TJP3: variants seen among roughly 807,000 people sequenced by gnomAD.
The protein encoded by TJP3 is tight junction protein ZO-3.
Under a neutral mutation model 104.2 loss-of-function variants are expected in TJP3, and 85 were observed. The ratio of observed to expected loss-of-function variants is 0.82; its 90% CI spans 0.68 to 0.98. The LOEUF (loss-of-function observed/expected upper bound fraction) is 0.98, where lower values mean the gene tolerates loss of function less well. Ranked by LOEUF, TJP3 falls within the 50% of genes least tolerant of loss-of-function variation. The pLI, the probability that TJP3 is intolerant of heterozygous loss-of-function variation, is 0.00. For synonymous variants in TJP3, 550 were observed against 550.6 expected (o/e 1.00, Z 0.02); for missense variants, 1,367 against 1,322.8 (o/e 1.03, Z -0.52).
chr19:3,713,926 C>T (rs993312175), intron 1 of TJP3, among the ~76,000 whole-genome samples: 14 of 150,922 alleles, frequency 9.3e-5, no homozygotes, highest in African/African-American at 1.5e-4. Flanking sequence ...GGAGTTTCAC[C>T]GTGTTGGCCA....
intron 14 of TJP3, among the ~76,000 whole-genome samples, chr19:3,742,581 G>T (rs1282798471): frequency 6.9e-6 from 1 of 144,712 alleles, no homozygotes; most frequent in Non-Finnish European, 1.5e-5. Context: ...GTGGGTGGAT[G>T]GACCTTGAGA....
chr19:3,735,093 T>C (rs913322562), intron 8 of TJP3, among the ~76,000 whole-genome samples: 1 of 152,164 alleles, frequency 6.6e-6, no homozygotes, highest in African/African-American at 2.4e-5. Context: ...CTTGAACTCC[T>C]GGGCTCAAGC....
At position 3,736,233 on chromosome 19, in the gene TJP3, G is replaced by T; in HGVS notation, c.1196G>T (p.Gly399Val). Residue 399 changes from glycine (G) to valine (V), a missense_variant, in exon 11 of 21, where the codon GGC (glycine) becomes GTC (valine). Physicochemically the swap from Gly to Val is moderately radical, Grantham distance 109. Coordinates refer to ENST00000541714, the MANE Select transcript of TJP3 (RefSeq NM_001267560.2). ...AGCATCGGGCTGCGGCTGGCAGGGGGCAATGACGTGGGCATCTTCGTGTCC... is the reference window on the plus strand; with the variant it reads ...AGCATCGGGCTGCGGCTGGCAGGGGTCAATGACGTGGGCATCTTCGTGTCC... ...GKSIGLRLAG[G>V]NDVGIFVSGV... 1.1e-5 allele frequency: 17 copies of T among 1,587,978 alleles called. No individual in the cohort carries two copies. The highest frequency in any genetic ancestry group is 1.5e-5 in the Non-Finnish European group (17 of 1,166,670).
At chr19:3,722,861 G>GGC (rs2036556121) in intron 1 of TJP3, among the ~76,000 whole-genome samples, 1 of 129,026 alleles carries the variant, frequency 7.8e-6, no homozygotes, top group Non-Finnish European at 1.6e-5. Flanking sequence ...GGTGGCGGGG[G>GGC]GGGGGGGCAC....
chr19:3,723,725 G>A (rs1308161204), intron 1 of TJP3, among the ~76,000 whole-genome samples: 1 of 151,054 alleles, frequency 6.6e-6, no homozygotes, highest in Non-Finnish European at 1.5e-5. Flanking sequence ...CCCAGGAGGC[G>A]GAGGTTGCAG....
intron 1 of TJP3, among the ~76,000 whole-genome samples, chr19:3,711,463 T>C (rs1305872403): frequency 3.3e-5 from 5 of 151,568 alleles, no homozygotes; most frequent in African/African-American, 1.2e-4. Flanking sequence ...CCTCCCAAAG[T>C]GCTGGGATTA....
intron 19 of TJP3, among the ~76,000 whole-genome samples, chr19:3,748,921 C>T (rs374595741): frequency 3.1e-4 from 42 of 134,722 alleles, no homozygotes; most frequent in African/African-American, 1.1e-3. Context: ...TGCAGTGGCA[C>T]GATCTGGGCT....
At chr19:3,742,160 G>A (rs995875343) in intron 14 of TJP3, among the ~76,000 whole-genome samples, 8 of 152,148 alleles carry the variant, frequency 5.3e-5, no homozygotes, top group African/African-American at 1.2e-4. Flanking sequence ...TTGACCGGGC[G>A]TGGTGGCTCA....
intron 1 of TJP3, among the ~76,000 whole-genome samples, chr19:3,715,833 C>G (rs2036471969): frequency 6.6e-6 from 1 of 152,146 alleles, no homozygotes; most frequent in South Asian, 2.1e-4. Context: ...GGCTGGAGTG[C>G]AATGGCGCAA....
Position 3,732,033 on chromosome 19 carries a change from C to A in TJP3, c.712C>A (p.Leu238Ile), listed in dbSNP as rs766206274. The change falls in exon 6 of 21, where the codon CTA becomes ATA. Residue 238 changes from leucine to isoleucine, a missense_variant. Coordinates refer to ENST00000541714, the MANE Select transcript of TJP3 (RefSeq NM_001267560.2). ...HRGLQEGDLI[L>I]QINGVSSQNL... Reference sequence around the variant, plus strand: ...TGGGCTGCAGGAAGGAGATCTCATTCTACAGGTGAGGCCGGGCTTCTTGTC... The same window carrying A: ...TGGGCTGCAGGAAGGAGATCTCATTATACAGGTGAGGCCGGGCTTCTTGTC... 6.2e-7 allele frequency: 1 copy of A among 1,612,100 alleles called. No individual in the cohort carries two copies.
chr19:3,727,789 C>T (rs2036616208), intron 1 of TJP3, among the ~76,000 whole-genome samples: 1 of 151,852 alleles, frequency 6.6e-6, no homozygotes. Context: ...TGCCCAGCTA[C>T]TCAGGAGCCC....
intron 1 of TJP3, among the ~76,000 whole-genome samples, chr19:3,718,273 A>G (rs1393245175): frequency 3.0e-5 from 4 of 132,380 alleles, no homozygotes; most frequent in East Asian, 2.3e-4. Flanking sequence ...GTGTGTAGAG[A>G]TGGAAGTCTC....
intron 15 of TJP3, among the ~76,000 whole-genome samples, chr19:3,744,298 A>T (rs1461356426): frequency 6.6e-6 from 1 of 152,188 alleles, no homozygotes; most frequent in South Asian, 2.1e-4. Flanking sequence ...TGTTTAAGAG[A>T]AATTTATTGA....
At chr19:3,731,029 C>T (rs181585389) in intron 5 of TJP3, among the ~76,000 whole-genome samples, 60 of 152,314 alleles carry the variant, frequency 3.9e-4, no homozygotes, top group South Asian at 2.1e-3. Context: ...CCTCGCTCCC[C>T]CCACCACAAA....
At chr19:3,710,885 G>T (rs886882728) in intron 1 of TJP3, among the ~76,000 whole-genome samples, 2 of 152,014 alleles carry the variant, frequency 1.3e-5, no homozygotes, top group East Asian at 3.9e-4. Flanking sequence ...TGCGTGAGAG[G>T]CGCTTTGTAA....
At chr19:3,733,129 G>A (rs1033333932) in intron 6 of TJP3, among the ~76,000 whole-genome samples, 2 of 151,662 alleles carry the variant, frequency 1.3e-5, no homozygotes, top group Non-Finnish European at 2.9e-5. Flanking sequence ...TCCACCTCCC[G>A]GGTTCAAGTG....
chr19:3,731,907 C>A, intron 5 of TJP3, 28 bp from the exon 6 acceptor site: 1 of 1,600,578 alleles, frequency 6.2e-7, no homozygotes. Flanking sequence ...CAGAGTCCTG[C>A]CTCAGTTTCC....
intron 1 of TJP3, among the ~76,000 whole-genome samples, chr19:3,720,901 CTTTTTTT>C (rs370206267): frequency 8.7e-6 from 1 of 114,324 alleles, no homozygotes; most frequent in African/African-American, 3.3e-5. Context: ...CCTTCCTTTT[CTTTTTTT>C]TTTTTTTTTT....
At chr19:3,744,122 T>C in intron 15 of TJP3, 88 bp downstream of exon 15, 3 of 1,249,232 alleles carry the variant, frequency 2.4e-6, no homozygotes, top group Non-Finnish European at 3.5e-6. Flanking sequence ...GTTAGAATAA[T>C]GATGGCAAAC....
Sources: gnomAD v4.1 joint callset for allele counts (sites outside exome capture counted in the v4.1 genomes callset) on GRCh38, gnomAD v4.1.1 for gene constraint, MANE v1.5 for transcripts, NCBI Gene and HGNC (gene_info 2026-07-23, HGNC 2026-07-21) for gene names.